The following RIPOR2 variants were observed in gnomAD, a reference collection of about 807,000 sequenced individuals.
RIPOR2 encodes rho family-interacting cell polarization regulator 2.
A neutral mutation model predicts 114.5 loss-of-function variants in RIPOR2; 39 were observed. The observed-to-expected ratio is 0.34, with a 90% CI of 0.26 to 0.44. RIPOR2 has a LOEUF of 0.44. RIPOR2 is among the 20% of genes least tolerant of loss of function. The pLI, the probability that RIPOR2 is intolerant of heterozygous loss-of-function variation, is 1.00. For synonymous variants in RIPOR2, 445 were observed against 484.4 expected, an observed-to-expected ratio of 0.92 and a Z score of 1.07; for missense variants, 1,007 against 1,255.1, an observed-to-expected ratio of 0.80 and a Z score of 2.99.
chr6:24,954,456 C>CTTTTTTTT lies in RIPOR2; in HGVS notation c.77-78647_77-78640dup, dbSNP rs10667748. Among the ~76,000 whole-genome samples the CTTTTTTTT allele has an allele frequency of 1.6e-4, 21 of 132,392 alleles. 1 individual carries two copies. The highest frequency in any genetic ancestry group is 2.4e-4 in the South Asian group (1 of 4,110). 86.9% of individuals were successfully genotyped at this position (132,392 alleles called of 152,430 possible). A position where few individuals can be genotyped will look rare whatever the true frequency, so the allele number is the denominator to read the frequency against. ...ACTGTGCAGGCCCAGTCTCTCTCTC[C>CTTTTTTTT]TTTTTTTTTTTTTTTTTGAGACAGG... is the stretch of plus-strand genomic sequence containing the variant. On this transcript the variant is annotated intron_variant, in intron 1 of 13. Transcript: ENST00000510784.
intron 19 of RIPOR2, among the ~76,000 whole-genome samples, chr6:24,819,606 C>T (rs924059479): frequency 7.4e-5 from 11 of 149,434 alleles, no homozygotes; most frequent in South Asian, 4.3e-4. Context: ...CTCCATCTCC[C>T]GGGTTCAAGA....
At chr6:24,849,742 G>T in intron 11 of RIPOR2, 60 bp downstream of exon 11, 1 of 1,474,040 alleles carries the variant, frequency 6.8e-7, no homozygotes, top group Non-Finnish European at 9.4e-7. Flanking sequence ...CACCAGCTTT[G>T]AGTAGCACTA....
intron 1 of RIPOR2, among the ~76,000 whole-genome samples, chr6:25,021,156 G>A (rs1776300486): frequency 1.3e-5 from 2 of 152,182 alleles, no homozygotes; most frequent in Non-Finnish European, 2.9e-5. Flanking sequence ...ACTGCATCCA[G>A]CTAGTTTAAT....
intron 1 of RIPOR2, among the ~76,000 whole-genome samples, chr6:24,888,110 T>A (rs148008962): frequency 1.0e-3 from 153 of 152,224 alleles, no homozygotes; most frequent in African/African-American, 3.4e-3. Context: ...TTACCTATTT[T>A]AAAAAAACCC....
intron 1 of RIPOR2, among the ~76,000 whole-genome samples, chr6:25,031,739 ATATATATATAT>A (rs1561855869): frequency 0.019 from 1,890 of 98,898 alleles, 67 homozygotes; most frequent in Non-Finnish European, 0.029. Context: ...ATATATATAT[ATATATATATAT>A]AAAATATCCA....
chr6:24,865,048 A>G (rs1764443117), intron 7 of RIPOR2, among the ~76,000 whole-genome samples: 1 of 152,194 alleles, frequency 6.6e-6, no homozygotes, highest in Non-Finnish European at 1.5e-5. Context: ...CCTGGGCTCA[A>G]GCAATGCTCT....
chr6:25,019,749 T>G (rs1776209998), intron 1 of RIPOR2, among the ~76,000 whole-genome samples: 1 of 112,702 alleles, frequency 8.9e-6, no homozygotes, highest in South Asian at 2.7e-4. Context: ...CATTCCAGCC[T>G]GGGCAACAGA....
intron 12 of RIPOR2, among the ~76,000 whole-genome samples, chr6:24,846,258 C>T (rs997288393): frequency 1.3e-5 from 2 of 150,966 alleles, no homozygotes; most frequent in African/African-American, 4.9e-5. Context: ...TCCCATTTTC[C>T]CTGAAAACTC....
chr6:24,805,629 A>C lies in RIPOR2; in HGVS notation c.*744T>G, dbSNP rs1289103289. On this transcript the variant is annotated 3_prime_UTR_variant, in exon 22 of 22. Coordinates refer to ENST00000643898, the MANE Select transcript of RIPOR2 (RefSeq NM_001286445.3). The stretch of plus-strand genomic sequence containing the variant: ...CTTTTTTGTGCTTTGTATTGAAAGT[A>C]AAGTTAGGTAGCTAAGGGGACTACT... 6.6e-6 allele frequency: 1 copy of C among 152,196 alleles called. No individual in the cohort carries two copies. The highest frequency in any genetic ancestry group is 1.5e-5 in the Non-Finnish European group (1 of 68,036). 9.4% of individuals were successfully genotyped at this position (152,196 alleles called of 1,614,324 possible).
intron 7 of RIPOR2, among the ~76,000 whole-genome samples, chr6:24,862,792 C>T (rs556127083): frequency 1.1e-3 from 132 of 119,140 alleles, no homozygotes; most frequent in African/African-American, 3.9e-3. Context: ...TTTTCCTCCC[C>T]CGACCACTGG....
At chr6:24,825,192 C>T (rs1260753215) in intron 19 of RIPOR2, 34 bp downstream of exon 19, 3 of 1,476,134 alleles carry the variant, frequency 2.0e-6, no homozygotes, top group African/African-American at 2.8e-5. Flanking sequence ...ATTAAACCAG[C>T]TTCTGGCTTG....
intron 1 of RIPOR2, among the ~76,000 whole-genome samples, chr6:24,910,148 G>A (rs1040942341): frequency 2.6e-5 from 4 of 152,068 alleles, no homozygotes; most frequent in African/African-American, 9.7e-5. Context: ...CTCCTGCTAG[G>A]GTGCTCCTGT....
intron 7 of RIPOR2, among the ~76,000 whole-genome samples, chr6:24,861,437 C>G (rs951973091): frequency 6.6e-6 from 1 of 152,030 alleles, no homozygotes; most frequent in Non-Finnish European, 1.5e-5. Flanking sequence ...GTAAATAAAT[C>G]AAAACATTTA....
intron 1 of RIPOR2, among the ~76,000 whole-genome samples, chr6:24,956,505 A>G (rs893524779): frequency 6.6e-6 from 1 of 152,244 alleles, no homozygotes; most frequent in African/African-American, 2.4e-5. Flanking sequence ...AAGTTCAGTC[A>G]GATATCATTC....
At chr6:24,884,357 C>T (rs953420427) in intron 1 of RIPOR2, among the ~76,000 whole-genome samples, 5 of 151,888 alleles carry the variant, frequency 3.3e-5, no homozygotes, top group African/African-American at 7.3e-5. Flanking sequence ...TGCAGTGAGC[C>T]GAGATCGTGC....
At position 24,857,873 on chromosome 6, in the gene RIPOR2, G is replaced by A. The variant is rs537618629; in HGVS notation, c.715+3100C>T. Among the ~76,000 whole-genome samples, 4 of 152,236 alleles carry A rather than the reference G, an allele frequency of 2.6e-5. No homozygotes were observed. The South Asian group carries it at 6.2e-4, about 24-fold the overall frequency. ...ATAGTTTGCAGATTAAGTGCTCTCCGTTTAGCCTGGCATTCATGGATTTTT... is the reference window on the plus strand; with the variant it reads ...ATAGTTTGCAGATTAAGTGCTCTCCATTTAGCCTGGCATTCATGGATTTTT... On this transcript the variant is annotated intron_variant, in intron 8 of 21. Coordinates refer to ENST00000643898, the MANE Select transcript of RIPOR2 (RefSeq NM_001286445.3).
chr6:24,897,251 T>A (rs2113997069), intron 1 of RIPOR2, among the ~76,000 whole-genome samples: 1 of 152,278 alleles, frequency 6.6e-6, no homozygotes, highest in South Asian at 2.1e-4. Context: ...GTATTTCGAT[T>A]CCTAGGAGGG....
rs78637128 is a variant in RIPOR2, at chr6:24,824,236, C to T, written c.2868+990G>A. ...TGGTAGGAGGTGAGAGTGGTCAGCCCACAGAACAGCTTTTTGAGCTAATTC... is the reference window on the plus strand; with the variant it reads ...TGGTAGGAGGTGAGAGTGGTCAGCCTACAGAACAGCTTTTTGAGCTAATTC... On this transcript the variant is annotated intron_variant, in intron 19 of 21. Coordinates refer to ENST00000643898, the MANE Select transcript of RIPOR2 (RefSeq NM_001286445.3). Among the ~76,000 whole-genome samples the T allele has an allele frequency of 7.2e-3, 1,093 of 152,280 alleles. 8 individuals carry two copies. The highest frequency in any genetic ancestry group is 0.018 in the African/African-American group (754 of 41,560).
chr6:24,895,352 G>T (rs974142799), intron 1 of RIPOR2, among the ~76,000 whole-genome samples: 1 of 152,024 alleles, frequency 6.6e-6, no homozygotes, highest in Non-Finnish European at 1.5e-5. Context: ...CCCGGCACCT[G>T]GGGAGCTTTT....
Sources: allele counts gnomAD v4.1 joint callset (sites outside exome capture counted in the v4.1 genomes callset), GRCh38; gene constraint gnomAD v4.1.1; transcripts MANE v1.5; gene names NCBI Gene and HGNC (gene_info 2026-07-23, HGNC 2026-07-21).